Variants in PLA2G5 observed in about 807,000 individuals in gnomAD.
PLA2G5 encodes Ca2+-dependent phospholipase A2.
PLA2G5 carries 12 observed loss-of-function variants against 15.9 expected under a neutral mutation model. The observed-to-expected ratio is 0.76, with a 90% CI of 0.48 to 1.23. The LOEUF (loss-of-function observed/expected upper bound fraction) is 1.23, where lower values mean the gene tolerates loss of function less well. PLA2G5 is among the 50% of genes most tolerant of loss of function. PLA2G5 has a pLI of 0.00. For missense variants in PLA2G5, 169 were observed against 177.1 expected (o/e 0.95, Z 0.26); for synonymous variants, 71 against 71.4 (o/e 0.99, Z 0.03).
intron 1 of PLA2G5, among the ~76,000 whole-genome samples, chr1:20,077,290 G>A (rs2015739847): frequency 1.3e-5 from 2 of 152,214 alleles, no homozygotes; most frequent in African/African-American, 4.8e-5. Flanking sequence ...AGACTGTTTT[G>A]AGGGGACAGT....
At chr1:20,084,967 G>C (rs569197798) in intron 2 of PLA2G5, 97 bp downstream of exon 2, 2 of 880,018 alleles carry the variant, frequency 2.3e-6, no homozygotes, top group African/African-American at 3.3e-5. Flanking sequence ...TAGAGACTTG[G>C]GTTTGAATCT....
chr1:20,031,977 G>A (rs1341737648), intron 1 of PLA2G5, among the ~76,000 whole-genome samples: 1 of 152,084 alleles, frequency 6.6e-6, no homozygotes, highest in Non-Finnish European at 1.5e-5. Flanking sequence ...TATAGAAGGG[G>A]GAGGAGAAAC....
At chr1:20,043,227 G>A (rs960399720) in intron 1 of PLA2G5, among the ~76,000 whole-genome samples, 8 of 152,224 alleles carry the variant, frequency 5.3e-5, no homozygotes, top group Middle Eastern at 3.4e-3. Context: ...AGAGTGTACC[G>A]GTTGGGCACC....
upstream of PLA2G5, among the ~76,000 whole-genome samples, chr1:20,069,322 A>T (rs1160192026): frequency 1.3e-5 from 2 of 152,196 alleles, no homozygotes; most frequent in Non-Finnish European, 2.9e-5. Context: ...CAAATTGGTG[A>T]GTATTCTGCA....
intron 1 of PLA2G5, among the ~76,000 whole-genome samples, chr1:20,050,501 G>A (rs992854746): frequency 6.6e-6 from 1 of 152,156 alleles, no homozygotes; most frequent in African/African-American, 2.4e-5. Context: ...CAGCATATGG[G>A]ACCCTGTGTC....
At chr1:20,065,635 A>G (rs2014975531), upstream of PLA2G5, among the ~76,000 whole-genome samples, 1 of 152,224 alleles carries the variant, frequency 6.6e-6, no homozygotes, top group South Asian at 2.1e-4. Context: ...GCTAAATAGC[A>G]TCCCATTGTA....
chr1:20,030,872 G>C (rs931762063), intron 1 of PLA2G5, among the ~76,000 whole-genome samples: 9 of 152,220 alleles, frequency 5.9e-5, no homozygotes, highest in African/African-American at 2.2e-4. Context: ...ATGTTTCTGT[G>C]AGCACAGGGT....
intron 1 of PLA2G5, among the ~76,000 whole-genome samples, chr1:20,071,696 C>G (rs1485630552): frequency 6.6e-6 from 1 of 152,130 alleles, no homozygotes; most frequent in African/African-American, 2.4e-5. Context: ...GGCCTTTGTA[C>G]TTGCTCTTCC....
chr1:20,055,936 T>G (rs2014409108), intron 1 of PLA2G5, among the ~76,000 whole-genome samples: 1 of 152,140 alleles, frequency 6.6e-6, no homozygotes. Context: ...TCTAGGAAGA[T>G]GACATTTTAT....
At chr1:20,079,923 C>T (rs911442936) in intron 1 of PLA2G5, among the ~76,000 whole-genome samples, 11 of 152,138 alleles carry the variant, frequency 7.2e-5, no homozygotes, top group Non-Finnish European at 1.5e-4. Context: ...ACGTGGCAGG[C>T]AACATTCTGT....
chr1:20,045,506 T>A (rs545273136), intron 1 of PLA2G5, among the ~76,000 whole-genome samples: 1 of 151,992 alleles, frequency 6.6e-6, no homozygotes, highest in Non-Finnish European at 1.5e-5. Flanking sequence ...ATCTCCTCTG[T>A]CTCTACCAGA....
chr1:20,066,448 T>C (rs1891318), upstream of PLA2G5, among the ~76,000 whole-genome samples: 52,756 of 152,090 alleles, frequency 0.35, 10,390 homozygotes, highest in Non-Finnish European at 0.45. Context: ...CCACATTCAG[T>C]GGTATCATGT....
intron 1 of PLA2G5, among the ~76,000 whole-genome samples, chr1:20,080,589 A>T (rs1413777470): frequency 6.6e-6 from 1 of 152,010 alleles, no homozygotes; most frequent in Non-Finnish European, 1.5e-5. Flanking sequence ...CAAAAAAACA[A>T]CCAAAATAAA....
Position 20,070,366 on chromosome 1 carries a change from G to C in PLA2G5, c.-110G>C. On this transcript the variant is annotated 5_prime_UTR_variant, in exon 1 of 5. Transcript: ENST00000375108. ...TCTGTGGATACCAATGTTCCGACTG[G>C]AGACGGGGAGCCCGCGAGACCCGGG... 2 of 985,498 alleles carry C rather than the reference G, an allele frequency of 2.0e-6. No individual in the cohort carries two copies. The highest frequency in any genetic ancestry group is 2.4e-6 in the Non-Finnish European group (2 of 829,946). The allele number at this position is 985,498 out of a possible 1,614,324, so 61.0% of individuals were successfully genotyped here.
chr1:20,090,910 C>T lies in PLA2G5; in HGVS notation c.*218C>T. On this transcript the variant is annotated 3_prime_UTR_variant, in exon 5 of 5. Coordinates refer to ENST00000375108, the MANE Select transcript of PLA2G5 (RefSeq NM_000929.3). ...TGGTAGGGTCCCAGGGTCCCTAGGC[C>T]TCCACTTCTGAGGGCAGCCCCTCTG... 1 of 496,244 alleles carries T rather than the reference C, an allele frequency of 2.0e-6. No individual in the cohort carries two copies. Among genetic ancestry groups the T allele is most frequent in the South Asian group, 3.1e-5 (1 of 31,830 alleles). 30.7% of individuals were successfully genotyped at this position (496,244 alleles called of 1,614,324 possible).
intron 1 of PLA2G5, among the ~76,000 whole-genome samples, chr1:20,052,331 A>G (rs2014219006): frequency 6.6e-6 from 1 of 151,788 alleles, no homozygotes; most frequent in Admixed American, 6.6e-5. Context: ...TTATTCCTCC[A>G]TTTTTCCTAA....
chr1:20,074,234 C>G (rs1463605052), intron 1 of PLA2G5, among the ~76,000 whole-genome samples: 1 of 152,174 alleles, frequency 6.6e-6, no homozygotes, highest in Non-Finnish European at 1.5e-5. Flanking sequence ...CACAGAATGT[C>G]AGAGCCTGCG....
intron 1 of PLA2G5, among the ~76,000 whole-genome samples, chr1:20,037,500 G>A (rs2013324520): frequency 6.6e-6 from 1 of 152,198 alleles, no homozygotes; most frequent in African/African-American, 2.4e-5. Context: ...CTTGGTTGTA[G>A]TTTTATTTGG....
intron 1 of PLA2G5, among the ~76,000 whole-genome samples, chr1:20,042,637 T>C (rs2013672482): frequency 6.6e-6 from 1 of 152,152 alleles, no homozygotes; most frequent in African/African-American, 2.4e-5. Context: ...TCAGCTAGGT[T>C]TACTTTGTGA....
Sources: gnomAD v4.1 joint callset for allele counts (sites outside exome capture counted in the v4.1 genomes callset) on GRCh38, gnomAD v4.1.1 for gene constraint, MANE v1.5 for transcripts, NCBI Gene and HGNC (gene_info 2026-07-23, HGNC 2026-07-21) for gene names.